The following RALGDS variants were observed in gnomAD, a reference collection of about 807,000 sequenced individuals.
RALGDS encodes ral guanine nucleotide exchange factor.
RALGDS carries 44 observed loss-of-function variants against 99.8 expected under a neutral mutation model. That is an observed-to-expected ratio of 0.44 (90% CI 0.35 to 0.57). The LOEUF is 0.57. Among genes scored for constraint, RALGDS ranks in the 20% least tolerant of loss-of-function variants. The probability of loss-of-function intolerance (pLI) is 0.01; values close to 1 mark genes in which losing one functional copy is unlikely to be tolerated. For synonymous variants in RALGDS, 529 were observed against 505.0 expected (o/e 1.05, Z -0.64); for missense variants, 1,022 against 1,203.1 (o/e 0.85, Z 2.23).
intron 17 of RALGDS, chr9:133,099,609 TACAC>T (rs765528826): frequency 6.4e-6 from 1 of 155,750 alleles, no homozygotes; most frequent in Non-Finnish European, 1.4e-5. Flanking sequence ...TGCATATATA[TACAC>T]ACACATATAC....
At position 133,098,480 on chromosome 9, in the gene RALGDS, C is replaced by A; in HGVS notation, c.*107G>T. On this transcript the variant is annotated 3_prime_UTR_variant, in exon 18 of 18. Coordinates refer to ENST00000372050, the MANE Select transcript of RALGDS (RefSeq NM_006266.4). Reference sequence around the variant, plus strand: ...GAGAGGTTCAGGATGAAACTGGAGTCTGGGGTACCCTGGGCTGGCAGGTGG... The same window carrying A: ...GAGAGGTTCAGGATGAAACTGGAGTATGGGGTACCCTGGGCTGGCAGGTGG... The A allele has an allele frequency of 8.4e-7, 1 of 1,190,168 alleles. No homozygotes were observed. The highest frequency in any genetic ancestry group is 1.3e-5 in the South Asian group (1 of 77,912). The allele number at this position is 1,190,168 out of a possible 1,614,324, so 73.7% of individuals were successfully genotyped here.
At position 133,108,275 on chromosome 9, in the gene RALGDS, C is replaced by T. The variant is rs778821734; in HGVS notation, c.910G>A (p.Glu304Lys). Residue 304 changes from glutamate (E) to lysine (K), a missense_variant, in exon 6 of 18, where the codon GAG becomes AAG. Physicochemically the swap from Glu to Lys is moderately conservative, Grantham distance 56 (BLOSUM62 1). Coordinates refer to ENST00000372050, the MANE Select transcript of RALGDS (RefSeq NM_006266.4). ...EPAPTPAPGSELEVAPAPAPE... is the reference protein window; with the variant it reads ...EPAPTPAPGSKLEVAPAPAPE... ...GCTGGTGCTGGAGCTACTTCTAGCT[C>T]TGAACCTGGAGCTGGTGTTGGAGCT... 1 of 1,572,404 alleles carries T rather than the reference C, an allele frequency of 6.4e-7. No homozygotes were observed. Among genetic ancestry groups the T allele is most frequent in the Admixed American group, 1.9e-5 (1 of 53,186 alleles).
At chr9:133,116,431 C>T (rs571076087) in intron 1 of RALGDS, among the ~76,000 whole-genome samples, 8 of 152,372 alleles carry the variant, frequency 5.3e-5, no homozygotes, top group South Asian at 2.1e-4. Flanking sequence ...CCCTCCCTGC[C>T]GGCCTGTGCC....
Position 133,120,560 on chromosome 9 carries a change from G to A in RALGDS, c.183+412C>T, listed in dbSNP as rs565262203. ...GAGGATTCTAGGATTTGGCCTTCCC[G>A]ACCACTTGTTCCACACCTGCATCGT... On this transcript the variant is annotated intron_variant, in intron 1 of 17. Coordinates refer to ENST00000372050, the MANE Select transcript of RALGDS (RefSeq NM_006266.4). Among the ~76,000 whole-genome samples the A allele has an allele frequency of 2.6e-5, 4 of 152,148 alleles. No homozygotes were observed. In the East Asian group the frequency reaches 5.8e-4, roughly 22 times the overall value.
intron 1 of RALGDS, among the ~76,000 whole-genome samples, chr9:133,145,952 C>T (rs1001521500): frequency 2.0e-5 from 3 of 152,206 alleles, no homozygotes; most frequent in East Asian, 3.9e-4. Context: ...GCCTTTACAA[C>T]TGTGAGGAAA....
chr9:133,149,113 G>C (rs1832672914), exon 1 of RALGDS: 1 of 442,402 alleles, frequency 2.3e-6, no homozygotes, highest in Admixed American at 5.9e-5. Flanking sequence ...GGTCCCCGCC[G>C]GGCCCAGGAC....
intron 1 of RALGDS, among the ~76,000 whole-genome samples, chr9:133,115,630 A>C (rs1056717022): frequency 2.6e-5 from 4 of 152,180 alleles, no homozygotes; most frequent in African/African-American, 9.7e-5. Context: ...TACCTGTCAC[A>C]GGCAACAGTG....
In RALGDS at chr9:133,107,852, C is replaced by T. The variant is rs147805298; in HGVS notation, c.1197+136G>A. On this transcript the variant is annotated intron_variant, in intron 6 of 17. Coordinates refer to ENST00000372050, the MANE Select transcript of RALGDS (RefSeq NM_006266.4). ...TGAGGACTTGGGGTTAAGGAACGAC[C>T]TGGTTACTTGGTGTGTAGCAGCAGA... The T allele has an allele frequency of 2.2e-3, 2,540 of 1,157,538 alleles. 7 individuals are homozygous for T. Among genetic ancestry groups the T allele is most frequent in the Non-Finnish European group, 2.8e-3 (2,206 of 799,270 alleles). The allele number at this position is 1,157,538 out of a possible 1,614,324, so 71.7% of individuals were successfully genotyped here. A position where few individuals can be genotyped will look rare whatever the true frequency, so the allele number is the denominator to read the frequency against.
At chr9:133,112,300 A>T in intron 1 of RALGDS, 148 bp from the exon 2 acceptor site, 1 of 670,374 alleles carries the variant, frequency 1.5e-6, no homozygotes, top group Non-Finnish European at 2.7e-6. Context: ...GAATGAGATC[A>T]CAGCTCGAGA....
chr9:133,108,739 C>G lies in RALGDS; in HGVS notation c.712G>C (p.Glu238Gln). The G allele has an allele frequency of 6.2e-7, 1 of 1,613,696 alleles. No homozygotes were observed. The highest frequency in any genetic ancestry group is 8.5e-7 in the Non-Finnish European group (1 of 1,180,010). The stretch of plus-strand genomic sequence containing the variant: ...GCCAGGAGAAGGTGGGCACGGCGCT[C>G]CAGGTCTGAGCCTGGCATGTTGAGC... ...VQLNMPGSDL[E>Q]RRAHLLLAQL... Residue 238 changes from glutamate to glutamine, a missense_variant, in exon 5 of 18, where the codon GAG becomes CAG. By Grantham distance (29) the Glu-to-Gln change is conservative. Coordinates refer to ENST00000372050, the MANE Select transcript of RALGDS (RefSeq NM_006266.4).
intron 2 of RALGDS, among the ~76,000 whole-genome samples, chr9:133,111,018 T>C (rs905130411): frequency 1.3e-5 from 2 of 152,200 alleles, no homozygotes; most frequent in African/African-American, 2.4e-5. Context: ...CTGTGAGCTA[T>C]GATCATACCT....
upstream of RALGDS, chr9:133,131,163 A>T (rs908723527): frequency 7.1e-7 from 1 of 1,407,370 alleles, no homozygotes; most frequent in Middle Eastern, 2.6e-4. Flanking sequence ...TGAGCATCTC[A>T]CATCCTCTTC....
At chr9:133,101,240 C>A in intron 16 of RALGDS, 1 of 1,313,438 alleles carries the variant, frequency 7.6e-7, no homozygotes, top group African/African-American at 1.5e-5. Context: ...GGGCTCAGGG[C>A]CTATGTGGCC....
At chr9:133,098,931 C>T (rs916062563) in intron 17 of RALGDS, 169 bp from the exon 18 acceptor site, 12 of 653,954 alleles carry the variant, frequency 1.8e-5, no homozygotes, top group African/African-American at 3.6e-5. Flanking sequence ...TGCCTGAGGA[C>T]AGACTCTGCT....
chr9:133,129,507 C>T (rs939029174), intron 1 of RALGDS: 87 of 1,300,362 alleles, frequency 6.7e-5, no homozygotes, highest in Non-Finnish European at 7.2e-5. Context: ...ATGGGCCAGC[C>T]GAGGACGAGT....
intron 1 of RALGDS, among the ~76,000 whole-genome samples, chr9:133,114,077 A>C (rs1239783725): frequency 5.9e-5 from 9 of 152,188 alleles, no homozygotes; most frequent in African/African-American, 2.2e-4. Flanking sequence ...GTGAGCTGGC[A>C]GGCCAGCAGC....
chr9:133,143,688 G>A (rs1249122341), intron 1 of RALGDS, among the ~76,000 whole-genome samples: 7 of 150,662 alleles, frequency 4.6e-5, no homozygotes, highest in Non-Finnish European at 8.8e-5. Flanking sequence ...GCAGTGAGCC[G>A]TGATCTGGCC....
At chr9:133,120,877 C>T in intron 1 of RALGDS, 95 bp downstream of exon 1, 1 of 1,306,056 alleles carries the variant, frequency 7.7e-7, no homozygotes, top group East Asian at 3.2e-5. Context: ...CTGGGATCGC[C>T]CGGCCCCGTC....
At chr9:133,110,096 C>T (rs1433134209) in intron 3 of RALGDS, among the ~76,000 whole-genome samples, 200 bp downstream of exon 3, 5 of 152,220 alleles carry the variant, frequency 3.3e-5, no homozygotes, top group Admixed American at 6.5e-5. Flanking sequence ...CAGGGCCAGG[C>T]GTTGAGGGAG....
Sources: gnomAD v4.1 joint callset for allele counts (sites outside exome capture counted in the v4.1 genomes callset) on GRCh38, gnomAD v4.1.1 for gene constraint, MANE v1.5 for transcripts, NCBI Gene and HGNC (gene_info 2026-07-23, HGNC 2026-07-21) for gene names.